SRD5A2: variants seen among roughly 807,000 people sequenced by gnomAD.
The protein encoded by SRD5A2 is steroid 5 alpha-reductase 2.
Under a neutral mutation model 27.4 loss-of-function variants are expected in SRD5A2, and 30 were observed. That is an observed-to-expected ratio of 1.10 (90% CI 0.82 to 1.49). The LOEUF (loss-of-function observed/expected upper bound fraction) is 1.49. SRD5A2 is among the 40% of genes most tolerant of loss of function. SRD5A2 has a pLI of 0.00. For synonymous variants in SRD5A2, 141 were observed against 133.6 expected, an observed-to-expected ratio of 1.06 and a Z score of -0.38; for missense variants, 348 against 323.4, an observed-to-expected ratio of 1.08 and a Z score of -0.58.
the SRD5A2 span, among the ~76,000 whole-genome samples, chr2:31,647,120 G>C: frequency 1.3e-5 from 2 of 151,974 alleles, no homozygotes; most frequent in East Asian, 1.9e-4. Flanking sequence ...ACTCCAGCCT[G>C]GGCGACAGAG....
At chr2:31,646,934 G>T in the SRD5A2 span, among the ~76,000 whole-genome samples, 2 of 152,118 alleles carry the variant, frequency 1.3e-5, no homozygotes, top group Admixed American at 6.5e-5. Context: ...ATCACTCAAG[G>T]TCAGGAGTTC....
chr2:31,592,705 C>A, the SRD5A2 span, among the ~76,000 whole-genome samples: 6 of 152,274 alleles, frequency 3.9e-5, no homozygotes, highest in African/African-American at 1.2e-4. Flanking sequence ...GAACAGCAGG[C>A]CTTGACTTCC....
chr2:31,645,311 G>C, the SRD5A2 span, among the ~76,000 whole-genome samples: 5 of 152,168 alleles, frequency 3.3e-5, no homozygotes, highest in African/African-American at 1.2e-4. Context: ...AAGAGTGTTT[G>C]CAACTCAACG....
the SRD5A2 span, among the ~76,000 whole-genome samples, chr2:31,637,531 G>A: frequency 6.6e-6 from 1 of 152,084 alleles, no homozygotes; most frequent in Non-Finnish European, 1.5e-5. Flanking sequence ...CCTTTGTCCA[G>A]AAAGTTTGTA....
intron 1 of SRD5A2, among the ~76,000 whole-genome samples, chr2:31,558,315 G>T (rs574254912): frequency 6.6e-6 from 1 of 152,294 alleles, no homozygotes; most frequent in East Asian, 1.9e-4. Context: ...TTCCTAGGCT[G>T]CCATAACAAA....
chr2:31,551,160 G>T (rs1001242020), intron 1 of SRD5A2, among the ~76,000 whole-genome samples: 4 of 151,626 alleles, frequency 2.6e-5, no homozygotes, highest in Non-Finnish European at 1.5e-5. Context: ...CATGTACAAG[G>T]GTTCTATAGT....
At chr2:31,566,985 C>G (rs1466437385) in intron 1 of SRD5A2, among the ~76,000 whole-genome samples, 2 of 152,132 alleles carry the variant, frequency 1.3e-5, no homozygotes, top group African/African-American at 2.4e-5. Context: ...AGAGTGTACT[C>G]TTTATGTGCT....
chr2:31,545,689 A>G (rs561984946), intron 1 of SRD5A2, among the ~76,000 whole-genome samples: 2 of 152,316 alleles, frequency 1.3e-5, no homozygotes, highest in South Asian at 4.1e-4. Flanking sequence ...TCTATTCAAC[A>G]TAGTGCTAGA....
chr2:31,608,798 T>C, the SRD5A2 span, among the ~76,000 whole-genome samples: 3 of 152,084 alleles, frequency 2.0e-5, no homozygotes, highest in African/African-American at 7.2e-5. Flanking sequence ...AGATATCCCA[T>C]GTCCACGGTT....
Position 31,523,702 on chromosome 2 carries a change from A to G in SRD5A2, c.*2494T>C. 4.5e-6 allele frequency: 1 copy of G among 221,506 alleles called. No homozygotes were observed. Among genetic ancestry groups the G allele is most frequent in the East Asian group, 6.6e-5 (1 of 15,108 alleles). The allele number at this position is 221,506 out of a possible 1,614,324, so 13.7% of individuals were successfully genotyped here. A position where few individuals can be genotyped will look rare whatever the true frequency, so the allele number is the denominator to read the frequency against. ...ACACTGTTAGATTATTTTAGCCAAA[A>G]AACAGTCCATGGAAACCTCAATTAA... On this transcript the variant is annotated 3_prime_UTR_variant, in exon 5 of 5. Transcript: ENST00000622030.
chr2:31,529,050 C>T (rs764299973), intron 4 of SRD5A2, among the ~76,000 whole-genome samples: 6 of 152,180 alleles, frequency 3.9e-5, no homozygotes, highest in Non-Finnish European at 8.8e-5. Context: ...CCTTCCCGGC[C>T]GTCACCTCAG....
chr2:31,592,887 C>T, the SRD5A2 span, among the ~76,000 whole-genome samples: 1 of 152,166 alleles, frequency 6.6e-6, no homozygotes, highest in Non-Finnish European at 1.5e-5. Context: ...TCAAGCTACT[C>T]AAGGAGGCAC....
rs1238726102 is a variant in SRD5A2, at chr2:31,580,830, G to A, written c.71C>T (p.Ala24Val). The A allele has an allele frequency of 1.2e-6, 2 of 1,612,362 alleles. No individual in the cohort carries two copies. The highest frequency in any genetic ancestry group is 8.5e-7 in the Non-Finnish European group (1 of 1,179,694). ...GCCGGAGGGCTTCGCGACGTACAAG[G>A]CCAGTGCCCCAAGGGCGACCAAAGT... ...SATLVALGAL[A>V]LYVAKPSGYG... Residue 24 changes from alanine to valine, a missense_variant, in exon 1 of 5, where the codon GCC (alanine) becomes GTC (valine). Coordinates refer to ENST00000622030, the MANE Select transcript of SRD5A2 (RefSeq NM_000348.4).
At chr2:31,551,772 G>A (rs895915164) in intron 1 of SRD5A2, among the ~76,000 whole-genome samples, 3 of 152,104 alleles carry the variant, frequency 2.0e-5, no homozygotes, top group African/African-American at 7.2e-5. Flanking sequence ...AAAAGTCAGA[G>A]TTCCTATCAG....
chr2:31,563,203 G>C (rs2148090906), intron 1 of SRD5A2: 1 of 152,200 alleles, frequency 6.6e-6, no homozygotes, highest in Admixed American at 6.5e-5. Context: ...CAAGCCTGAA[G>C]ATGGAAAGTT....
chr2:31,559,320 A>G (rs974746957), intron 1 of SRD5A2, among the ~76,000 whole-genome samples: 6 of 152,230 alleles, frequency 3.9e-5, no homozygotes, highest in African/African-American at 4.8e-5. Flanking sequence ...ATCCTATGGT[A>G]TCTTTCCAGA....
the SRD5A2 span, among the ~76,000 whole-genome samples, chr2:31,587,658 A>T: frequency 2.0e-5 from 3 of 152,198 alleles, no homozygotes; most frequent in African/African-American, 7.2e-5. Context: ...CAGAAAATCA[A>T]ACACCCCATG....
rs756405261 is a variant in SRD5A2 at position 31,531,405 on chromosome 2, C to G, written c.513G>C (p.Arg171Ser). The G allele has an allele frequency of 2.7e-5, 43 of 1,595,476 alleles. No individual in the cohort carries two copies. Among genetic ancestry groups the G allele is most frequent in the Non-Finnish European group, 3.3e-5 (39 of 1,170,632 alleles). The change falls in exon 3 of 5, where the codon AGG becomes AGC. Residue 171 changes from arginine (R) to serine (S), a missense_variant. Coordinates refer to ENST00000622030, the MANE Select transcript of SRD5A2 (RefSeq NM_000348.4). The part of the protein sequence containing the change: ...IHSDYILRQL[R>S]KPGEISYRIP... ...TCCTGTAGCTGATTTCTCCAGGCTT[C>G]CTGAGCTGGCGCAATATATAGTCAC...
chr2:31,572,930 A>T (rs764057111), intron 1 of SRD5A2, among the ~76,000 whole-genome samples: 7 of 152,252 alleles, frequency 4.6e-5, no homozygotes, highest in Non-Finnish European at 8.8e-5. Context: ...GCCTAATTTA[A>T]GACTTGGGTA....
Sources: allele counts gnomAD v4.1 joint callset (sites outside exome capture counted in the v4.1 genomes callset), GRCh38; gene constraint gnomAD v4.1.1; transcripts MANE v1.5; gene names NCBI Gene and HGNC (gene_info 2026-07-23, HGNC 2026-07-21).